Variants in ADK observed in about 807,000 individuals in gnomAD.
The protein encoded by ADK is N6,N6-dimethyladenosine kinase.
Under a neutral mutation model 44.7 loss-of-function variants are expected in ADK, and 24 were observed. The observed-to-expected ratio is 0.54, with a 90% confidence interval of 0.39 to 0.76. The LOEUF (loss-of-function observed/expected upper bound fraction) is 0.76. ADK is among the 30% of genes least tolerant of loss of function. ADK has a pLI of 0.00. For missense variants in ADK, 321 were observed against 425.1 expected (o/e 0.76, Z 2.15); for synonymous variants, 128 against 142.6 (o/e 0.90, Z 0.73).
At chr10:74,329,197 G>A (rs1245205740) in intron 4 of ADK, among the ~76,000 whole-genome samples, 2 of 148,288 alleles carry the variant, frequency 1.3e-5, no homozygotes, top group African/African-American at 2.5e-5. Context: ...GCATCACTCT[G>A]CCATATTTTT....
At chr10:74,699,608 C>T (rs557127700) in intron 10 of ADK, among the ~76,000 whole-genome samples, 7 of 152,116 alleles carry the variant, frequency 4.6e-5, no homozygotes, top group East Asian at 1.9e-4. Context: ...ACGCTGGAGG[C>T]GGAGGTTGCA....
chr10:74,430,574 G>C (rs1013915054), intron 6 of ADK, among the ~76,000 whole-genome samples: 6 of 152,030 alleles, frequency 3.9e-5, no homozygotes, highest in Non-Finnish European at 8.8e-5. Context: ...GGTCAACGTA[G>C]CAAGACCCCA....
chr10:74,381,519 G>A (rs999585115), intron 4 of ADK, among the ~76,000 whole-genome samples: 12 of 152,168 alleles, frequency 7.9e-5, no homozygotes, highest in Non-Finnish European at 1.8e-4. Context: ...AACTGTGGCA[G>A]GTAGACTTAA....
intron 7 of ADK, among the ~76,000 whole-genome samples, chr10:74,580,862 G>A (rs1851350360): frequency 6.6e-6 from 1 of 152,090 alleles, no homozygotes; most frequent in Non-Finnish European, 1.5e-5. Flanking sequence ...ACCTGAGAAA[G>A]GCATTGTTAA....
intron 7 of ADK, among the ~76,000 whole-genome samples, chr10:74,565,499 G>T (rs1012275778): frequency 6.6e-6 from 1 of 151,594 alleles, no homozygotes; most frequent in Non-Finnish European, 1.5e-5. Flanking sequence ...AGGCTGAGGC[G>T]GGCAGATCAC....
At chr10:74,454,507 A>C (rs925856822) in intron 6 of ADK, among the ~76,000 whole-genome samples, 1 of 152,240 alleles carries the variant, frequency 6.6e-6, no homozygotes, top group Non-Finnish European at 1.5e-5. Flanking sequence ...GCAGGGTATA[A>C]ATCCAAGTTG....
intron 3 of ADK, among the ~76,000 whole-genome samples, chr10:74,249,737 G>C (rs1845575796): frequency 6.6e-6 from 1 of 152,092 alleles, no homozygotes; most frequent in Admixed American, 6.5e-5. Context: ...TTAAATAGTT[G>C]AGAAATTCAA....
chr10:74,225,064 G>T (rs1399214011), intron 3 of ADK, among the ~76,000 whole-genome samples: 1 of 152,074 alleles, frequency 6.6e-6, no homozygotes, highest in East Asian at 1.9e-4. Context: ...TCAATTGTTT[G>T]GTACAAGGTA....
chr10:74,184,498 ATT>A (rs1842675152), intron 1 of ADK, among the ~76,000 whole-genome samples: 1 of 116,848 alleles, frequency 8.6e-6, no homozygotes, highest in Non-Finnish European at 1.8e-5. Context: ...GCCTGGCTAT[ATT>A]TTGTGTGTGT....
intron 7 of ADK, among the ~76,000 whole-genome samples, chr10:74,572,893 T>A (rs1323434080): frequency 6.6e-6 from 1 of 152,220 alleles, no homozygotes; most frequent in African/African-American, 2.4e-5. Flanking sequence ...TTATTCTAGT[T>A]ATATATTCAT....
intron 7 of ADK, among the ~76,000 whole-genome samples, chr10:74,549,016 A>G (rs1243644838): frequency 6.6e-6 from 1 of 152,226 alleles, no homozygotes; most frequent in Non-Finnish European, 1.5e-5. Flanking sequence ...GAGAACAAAA[A>G]CAGACATGGC....
chr10:74,317,076 G>A lies in ADK; in HGVS notation c.273+2331G>A, dbSNP rs200038609. Among the ~76,000 whole-genome samples, 4 of 152,224 alleles carry A rather than the reference G, an allele frequency of 2.6e-5. No individual in the cohort carries two copies. The East Asian group carries it at 7.7e-4, about 29-fold the overall frequency. On this transcript the variant is annotated intron_variant, in intron 4 of 10. Transcript: ENST00000539909. ...TGGCAAATTATGTCAACAAGAAAATGTCCCCAAAGCTCTTAGGTATTTTGA... is the reference window on the plus strand; with the variant it reads ...TGGCAAATTATGTCAACAAGAAAATATCCCCAAAGCTCTTAGGTATTTTGA...
chr10:74,519,549 A>G (rs1848725785), intron 6 of ADK, among the ~76,000 whole-genome samples: 2 of 151,932 alleles, frequency 1.3e-5, no homozygotes, highest in Non-Finnish European at 2.9e-5. Context: ...GTACACTGAT[A>G]AGTTTATGAA....
At chr10:74,494,432 C>T (rs1298448958) in intron 6 of ADK, among the ~76,000 whole-genome samples, 1 of 152,154 alleles carries the variant, frequency 6.6e-6, no homozygotes, top group South Asian at 2.1e-4. Context: ...ATTTCTGAGA[C>T]AAATTATATT....
intron 6 of ADK, among the ~76,000 whole-genome samples, chr10:74,420,667 T>G (rs1488344731): frequency 6.6e-6 from 1 of 152,134 alleles, no homozygotes; most frequent in Non-Finnish European, 1.5e-5. Context: ...TAATCTTGCA[T>G]GTTGTGGAAT....
chr10:74,301,528 A>AT (rs2132519323), intron 3 of ADK, among the ~76,000 whole-genome samples: 1 of 151,738 alleles, frequency 6.6e-6, no homozygotes, highest in African/African-American at 2.4e-5. Context: ...AAAAAAAAAA[A>AT]AAAAAAGTAA....
intron 6 of ADK, among the ~76,000 whole-genome samples, chr10:74,499,758 G>A (rs1336731167): frequency 6.6e-6 from 1 of 151,564 alleles, no homozygotes; most frequent in Non-Finnish European, 1.5e-5. Context: ...CTTACTTTTT[G>A]CTTTCACTGT....
At chr10:74,283,353 T>A (rs1283858294) in intron 3 of ADK, among the ~76,000 whole-genome samples, 1 of 151,764 alleles carries the variant, frequency 6.6e-6, no homozygotes, top group African/African-American at 2.4e-5. Context: ...CTAGTTTGAC[T>A]TTACTCTCTA....
chr10:74,512,486 A>G (rs568070254), intron 6 of ADK, among the ~76,000 whole-genome samples: 80 of 123,802 alleles, frequency 6.5e-4, no homozygotes, highest in African/African-American at 2.2e-3. Flanking sequence ...TAGGCTTTCT[A>G]TTTCTTCTTT....
Sources: allele counts gnomAD v4.1 joint callset (sites outside exome capture counted in the v4.1 genomes callset), GRCh38; gene constraint gnomAD v4.1.1; transcripts MANE v1.5; gene names NCBI Gene and HGNC (gene_info 2026-07-23, HGNC 2026-07-21).